Variants in NDUFV2 observed in about 807,000 individuals in gnomAD.
The protein encoded by NDUFV2 is NADH:ubiquinone oxidoreductase core subunit V2.
Under a neutral mutation model 31.6 loss-of-function variants are expected in NDUFV2, and 18 were observed. The observed-to-expected ratio is 0.57, with a 90% confidence interval of 0.39 to 0.84. The LOEUF is 0.84. Among genes scored for constraint, NDUFV2 ranks in the 40% least tolerant of loss-of-function variants. The pLI is 0.00. For missense variants in NDUFV2, 314 were observed against 303.6 expected (o/e 1.03, Z -0.26); for synonymous variants, 83 against 99.8 (o/e 0.83, Z 1.01).
intron 1 of NDUFV2, chr18:9,104,163 C>T: frequency 6.2e-7 from 1 of 1,612,700 alleles, no homozygotes; most frequent in African/African-American, 1.3e-5. Context: ...GAAAGGACAA[C>T]TTAAAGTCTT....
intron 1 of NDUFV2, chr18:9,105,038 T>G: frequency 2.1e-6 from 3 of 1,452,228 alleles, no homozygotes; most frequent in Non-Finnish European, 2.8e-6. Context: ...GCTTTCCTTA[T>G]CAGTAGACAT....
At chr18:9,109,857 T>C (rs755362520) in intron 1 of NDUFV2, among the ~76,000 whole-genome samples, 28 of 152,336 alleles carry the variant, frequency 1.8e-4, no homozygotes, top group Admixed American at 1.4e-3. Flanking sequence ...AGGCAGTCAC[T>C]GTTTTGGCCT....
In NDUFV2 at chr18:9,104,986, A is replaced by C. The variant is rs769769023; in HGVS notation, c.54+2189A>C. On this transcript the variant is annotated intron_variant, in intron 1 of 7. Coordinates refer to ENST00000318388, the MANE Select transcript of NDUFV2 (RefSeq NM_021074.5). The stretch of plus-strand genomic sequence containing the variant: ...TTTCTACAAAAATGGAAAGGTATTT[A>C]TACTGTTTGGTAGCCTGCTCTTTTG... The C allele has an allele frequency of 2.6e-6, 4 of 1,545,444 alleles. No individual in the cohort carries two copies. In the Admixed American group the frequency reaches 7.3e-5, roughly 28 times the overall value.
At chr18:9,110,917 G>A (rs1308278342) in intron 1 of NDUFV2, among the ~76,000 whole-genome samples, 1 of 152,080 alleles carries the variant, frequency 6.6e-6, no homozygotes, top group Non-Finnish European at 1.5e-5. Context: ...GTGTGTATAC[G>A]TTCAGGTTTT....
chr18:9,103,059 ATATGTT>A, intron 1 of NDUFV2: 3 of 436,300 alleles, frequency 6.9e-6, no homozygotes. Flanking sequence ...ATATATATAT[ATATGTT>A]TGTTTGTTTT....
intron 7 of NDUFV2, chr18:9,133,333 G>GT (rs1187108566): frequency 5.3e-5 from 8 of 152,356 alleles, no homozygotes; most frequent in African/African-American, 1.9e-4. Context: ...GTGACATACA[G>GT]TAAGTCTGAG....
At chr18:9,126,224 C>T (rs2077989550) in intron 6 of NDUFV2, among the ~76,000 whole-genome samples, 2 of 152,170 alleles carry the variant, frequency 1.3e-5, no homozygotes. Flanking sequence ...GGGATAGATA[C>T]TAGGCATCTA....
chr18:9,115,218 C>G (rs1007876763), intron 1 of NDUFV2, among the ~76,000 whole-genome samples: 1 of 152,020 alleles, frequency 6.6e-6, no homozygotes, highest in Non-Finnish European at 1.5e-5. Flanking sequence ...TCATTAACAT[C>G]GTAATAAGAG....
intron 1 of NDUFV2, among the ~76,000 whole-genome samples, chr18:9,108,431 G>A (rs980133287): frequency 1.3e-5 from 2 of 152,158 alleles, no homozygotes; most frequent in Admixed American, 6.6e-5. Context: ...TTATTTAGCT[G>A]TGTGAGCTAG....
At chr18:9,127,027 T>C (rs567846141) in intron 7 of NDUFV2, 120 bp downstream of exon 7, 1 of 814,784 alleles carries the variant, frequency 1.2e-6, no homozygotes, top group East Asian at 2.4e-5. Flanking sequence ...CTTTGGATAG[T>C]ATTATCTATA....
At chr18:9,118,033 A>G in intron 2 of NDUFV2, 130 bp downstream of exon 2, 1 of 686,984 alleles carries the variant, frequency 1.5e-6, no homozygotes, top group Non-Finnish European at 2.7e-6. Context: ...ATTTACATAC[A>G]GCTAATTGAA....
In NDUFV2 at chr18:9,119,321, T is replaced by C; in HGVS notation, c.121-5T>C. ...TAAGTCTGAAAAACTGTTTTTGTTG[T>C]GTAGCACAGAGATACTCCTGAGAAT... On this transcript the variant is annotated splice_polypyrimidine_tract_variant and splice_region_variant and intron_variant, in intron 2 of 7. Coordinates refer to ENST00000318388, the MANE Select transcript of NDUFV2 (RefSeq NM_021074.5). 1 of 1,611,356 alleles carries C rather than the reference T, an allele frequency of 6.2e-7. No individual in the cohort carries two copies. Among genetic ancestry groups the C allele is most frequent in the Non-Finnish European group, 8.5e-7 (1 of 1,177,604 alleles).
chr18:9,103,213 G>T, intron 1 of NDUFV2: 1 of 398,990 alleles, frequency 2.5e-6, no homozygotes, highest in Non-Finnish European at 4.4e-6. Context: ...GGAGAGCTCT[G>T]GCTTGCTTCG....
At chr18:9,118,468 T>A (rs1183682193) in intron 2 of NDUFV2, among the ~76,000 whole-genome samples, 3 of 152,116 alleles carry the variant, frequency 2.0e-5, no homozygotes, top group Non-Finnish European at 4.4e-5. Context: ...GTGTGATGAT[T>A]TAGAGTTAGT....
intron 4 of NDUFV2, among the ~76,000 whole-genome samples, chr18:9,120,845 GTTA>G (rs1267719058): frequency 6.6e-6 from 1 of 152,080 alleles, no homozygotes; most frequent in East Asian, 1.9e-4. Flanking sequence ...TAATTATAAT[GTTA>G]TTATTTTGAA....
At chr18:9,111,782 T>C (rs1362709568) in intron 1 of NDUFV2, among the ~76,000 whole-genome samples, 1 of 151,916 alleles carries the variant, frequency 6.6e-6, no homozygotes, top group Non-Finnish European at 1.5e-5. Context: ...TGCCGTTATT[T>C]TTCTGTTTTT....
chr18:9,110,797 C>A (rs984125538), intron 1 of NDUFV2, among the ~76,000 whole-genome samples: 2 of 152,160 alleles, frequency 1.3e-5, no homozygotes, highest in African/African-American at 2.4e-5. Flanking sequence ...TGTGAGCCAC[C>A]GTGTCTGGCC....
intron 1 of NDUFV2, 86 bp from the exon 2 acceptor site, chr18:9,117,752 G>T: frequency 1.3e-6 from 1 of 781,058 alleles, no homozygotes; most frequent in Non-Finnish European, 2.3e-6. Context: ...TTCCATTGTT[G>T]TAAATTATGA....
intron 1 of NDUFV2, among the ~76,000 whole-genome samples, chr18:9,105,392 T>A (rs534176250): frequency 2.0e-4 from 31 of 152,342 alleles, no homozygotes; most frequent in Admixed American, 1.8e-3. Context: ...CTCATTTTTC[T>A]TTTCTGTAAA....
Sources: gnomAD v4.1 joint callset for allele counts (sites outside exome capture counted in the v4.1 genomes callset) on GRCh38, gnomAD v4.1.1 for gene constraint, MANE v1.5 for transcripts, NCBI Gene and HGNC (gene_info 2026-07-23, HGNC 2026-07-21) for gene names.